LINGO2: variants seen among roughly 807,000 people sequenced by gnomAD.
The protein encoded by LINGO2 is leucine-rich repeat and immunoglobulin-like domain-containing nogo receptor-interacting protein 2.
In LINGO2, 14 loss-of-function variants were observed where a neutral mutation model predicts 30.6. That is an observed-to-expected ratio of 0.46 (90% CI 0.30 to 0.72). The LOEUF (loss-of-function observed/expected upper bound fraction) is 0.72. Among genes scored for constraint, LINGO2 ranks in the 30% least tolerant of loss-of-function variants. The pLI is 0.07. For missense variants in LINGO2, 729 were observed against 751.7 expected (o/e 0.97, Z 0.35); for synonymous variants, 317 against 288.5 (o/e 1.10, Z -1.00).
chr9:29,119,419 G>A, the LINGO2 span, among the ~76,000 whole-genome samples: 133 of 151,850 alleles, frequency 8.8e-4, no homozygotes, highest in African/African-American at 3.0e-3. Context: ...ATATTTTGCT[G>A]AGAAATTGCT....
At chr9:28,653,225 C>T (rs953815418) in intron 1 of LINGO2, among the ~76,000 whole-genome samples, 17 of 152,054 alleles carry the variant, frequency 1.1e-4, no homozygotes, top group African/African-American at 2.7e-4. Context: ...CAAGTGAGAC[C>T]GCTTCACATA....
intron 4 of LINGO2, among the ~76,000 whole-genome samples, chr9:28,243,712 G>A (rs7864849): frequency 0.34 from 50,878 of 151,646 alleles, 8,525 homozygotes; most frequent in Middle Eastern, 0.38. Flanking sequence ...AAGATTAAAA[G>A]AAGAAGAAGA....
chr9:28,313,802 C>G (rs1000684062), intron 3 of LINGO2, among the ~76,000 whole-genome samples: 7 of 152,152 alleles, frequency 4.6e-5, no homozygotes, highest in African/African-American at 1.7e-4. Context: ...AAGTCCTATC[C>G]ACATTATTAG....
chr9:27,965,278 T>C (rs538019511), intron 5 of LINGO2, among the ~76,000 whole-genome samples: 8 of 152,192 alleles, frequency 5.3e-5, no homozygotes, highest in Non-Finnish European at 5.9e-5. Context: ...TCAGTATTTT[T>C]TTTTCAGTCC....
chr9:29,203,459 G>A, the LINGO2 span, among the ~76,000 whole-genome samples: 3 of 152,164 alleles, frequency 2.0e-5, no homozygotes, highest in Non-Finnish European at 4.4e-5. Context: ...TATGACCCAT[G>A]TCTTATTTAC....
At chr9:28,993,263 T>C in the LINGO2 span, among the ~76,000 whole-genome samples, 6 of 152,046 alleles carry the variant, frequency 3.9e-5, no homozygotes, top group African/African-American at 1.2e-4. Context: ...CTAGAAAATC[T>C]AGAAGAAATG....
intron 4 of LINGO2, among the ~76,000 whole-genome samples, chr9:28,217,000 GCCC>G (rs1466081836): frequency 2.1e-4 from 32 of 151,636 alleles, no homozygotes; most frequent in Non-Finnish European, 1.0e-4. Flanking sequence ...AAACTGTAAT[GCCC>G]TTGTTTTGCA....
At chr9:28,298,526 A>T (rs1003706259) in intron 3 of LINGO2, among the ~76,000 whole-genome samples, 1 of 149,914 alleles carries the variant, frequency 6.7e-6, no homozygotes, top group Non-Finnish European at 1.5e-5. Context: ...AAAGAAAAAA[A>T]TACAAAATTA....
chr9:28,082,459 A>C lies in LINGO2; in HGVS notation c.-86-70054T>G, dbSNP rs550496679. Among the ~76,000 whole-genome samples the C allele has an allele frequency of 2.7e-5, 4 of 146,074 alleles. No homozygotes were observed. The East Asian group carries it at 7.8e-4, about 28-fold the overall frequency. On this transcript the variant is annotated intron_variant, in intron 4 of 5. Coordinates refer to ENST00000379992, the Ensembl canonical transcript of LINGO2. ...GAGCACAGAAATAAGTCACATCTTAATACAATTTTTTTTTCATTTTTACAA... is the reference window on the plus strand; with the variant it reads ...GAGCACAGAAATAAGTCACATCTTACTACAATTTTTTTTTCATTTTTACAA...
At chr9:29,100,183 T>C in the LINGO2 span, among the ~76,000 whole-genome samples, 237 of 152,184 alleles carry the variant, frequency 1.6e-3, no homozygotes, top group African/African-American at 5.5e-3. Context: ...AATAAAACAG[T>C]TGAACTCGTG....
the LINGO2 span, among the ~76,000 whole-genome samples, chr9:28,752,158 G>A: frequency 1.3e-5 from 2 of 151,956 alleles, no homozygotes; most frequent in Admixed American, 6.6e-5. Flanking sequence ...TGAGACTCGG[G>A]TTTGAACAAC....
At chr9:29,079,872 A>G in the LINGO2 span, among the ~76,000 whole-genome samples, 1 of 98,090 alleles carries the variant, frequency 1.0e-5, no homozygotes, top group Admixed American at 9.5e-5. Flanking sequence ...GTATTTCATA[A>G]TAAGAAAAAT....
At chr9:28,387,541 G>A (rs920447221) in intron 2 of LINGO2, among the ~76,000 whole-genome samples, 1 of 152,170 alleles carries the variant, frequency 6.6e-6, no homozygotes, top group Non-Finnish European at 1.5e-5. Context: ...AATAAATCTT[G>A]GTGCTGCTCA....
chr9:27,962,899 G>A (rs961592523), intron 5 of LINGO2, among the ~76,000 whole-genome samples: 3 of 152,106 alleles, frequency 2.0e-5, no homozygotes, highest in East Asian at 3.9e-4. Context: ...TGATTAGTAC[G>A]TACCTTTTAA....
intron 3 of LINGO2, among the ~76,000 whole-genome samples, chr9:28,370,117 T>C (rs12553557): frequency 0.5 from 76,460 of 151,966 alleles, 20,744 homozygotes; most frequent in Non-Finnish European, 0.59. Context: ...AAATTAGTTT[T>C]CTTATTCCTA....
chr9:27,998,582 C>T, intron 5 of LINGO2, among the ~76,000 whole-genome samples: 1 of 152,128 alleles, frequency 6.6e-6, no homozygotes, highest in East Asian at 1.9e-4. Context: ...AATTCGAGAC[C>T]AGCCTGGCCA....
chr9:28,993,603 T>C, the LINGO2 span, among the ~76,000 whole-genome samples: 81,655 of 149,938 alleles, frequency 0.54, 25,187 homozygotes, highest in Non-Finnish European at 0.64. Flanking sequence ...TGAACATCAA[T>C]GCGAAAATCC....
chr9:29,132,901 T>C, the LINGO2 span, among the ~76,000 whole-genome samples: 1 of 152,130 alleles, frequency 6.6e-6, no homozygotes, highest in Non-Finnish European at 1.5e-5. Context: ...TACTGTTTTT[T>C]TAAGAGATGA....
Position 28,130,483 on chromosome 9 carries a change from TTAC to T in LINGO2, c.-86-118081_-86-118079del, listed in dbSNP as rs1482278734. On this transcript the variant is annotated intron_variant, in intron 4 of 5. Coordinates refer to ENST00000379992, the Ensembl canonical transcript of LINGO2. The surrounding 1 kb of genome is among the most constrained non-coding windows in gnomAD (Gnocchi z 5.2). ...AAATTTTTGTGAATCTCTCACCATG[TTAC>T]CACTGACAGTCATTTAATCTCTGTT... Among the ~76,000 whole-genome samples the T allele has an allele frequency of 6.6e-6, 1 of 152,200 alleles. No individual in the cohort carries two copies. Among genetic ancestry groups the T allele is most frequent in the African/African-American group, 2.4e-5 (1 of 41,448 alleles).
Sources: gnomAD v4.1 joint callset for allele counts (sites outside exome capture counted in the v4.1 genomes callset) on GRCh38, gnomAD v4.1.1 for gene constraint, Gnocchi (gnomAD v3.1) non-coding constraint, MANE v1.5 for transcripts, NCBI Gene and HGNC (gene_info 2026-07-23, HGNC 2026-07-21) for gene names.